Variants in ERC2 observed in about 807,000 individuals in gnomAD.
The protein encoded by ERC2 is ERC protein 2.
In ERC2, 42 loss-of-function variants were observed where a neutral mutation model predicts 114.8. That is an observed-to-expected ratio of 0.37 (90% CI 0.29 to 0.47). The LOEUF (loss-of-function observed/expected upper bound fraction) is 0.47, where lower values mean the gene tolerates loss of function less well. Ranked by LOEUF, ERC2 falls within the 20% of genes least tolerant of loss-of-function variation. ERC2 has a pLI of 0.99. For missense variants in ERC2, 939 were observed against 1,150.7 expected (o/e 0.82, Z 2.66); for synonymous variants, 454 against 425.5 (o/e 1.07, Z -0.82).
intron 17 of ERC2, among the ~76,000 whole-genome samples, chr3:55,565,470 G>A (rs967426311): frequency 8.5e-5 from 13 of 152,060 alleles, no homozygotes; most frequent in African/African-American, 2.2e-4. Flanking sequence ...GCCCTTTGCC[G>A]TGCACTTGTC....
At chr3:55,973,174 T>C (rs1367445984) in intron 12 of ERC2, among the ~76,000 whole-genome samples, 2 of 152,130 alleles carry the variant, frequency 1.3e-5, no homozygotes, top group African/African-American at 4.8e-5. Flanking sequence ...CTGGGACAGA[T>C]TGTGACTCTC....
intron 3 of ERC2, among the ~76,000 whole-genome samples, chr3:56,216,198 T>C (rs2049457958): frequency 6.6e-6 from 1 of 152,068 alleles, no homozygotes; most frequent in Non-Finnish European, 1.5e-5. Context: ...AATCAATGAA[T>C]CCAGGAGCTG....
chr3:55,860,428 G>A (rs1439497850), intron 14 of ERC2, among the ~76,000 whole-genome samples: 3 of 151,962 alleles, frequency 2.0e-5, no homozygotes, highest in African/African-American at 7.3e-5. Context: ...CCCTTTTAGT[G>A]TTTTTTTCTC....
intron 6 of ERC2, among the ~76,000 whole-genome samples, chr3:56,134,299 G>A (rs771167405): frequency 1.8e-4 from 28 of 152,292 alleles, no homozygotes; most frequent in Non-Finnish European, 3.5e-4. Flanking sequence ...CAATGATAAT[G>A]AAATCACTGG....
chr3:55,520,643 G>A (rs968555318), intron 17 of ERC2, among the ~76,000 whole-genome samples: 2 of 151,984 alleles, frequency 1.3e-5, no homozygotes, highest in African/African-American at 2.4e-5. Context: ...AAAAAGATAC[G>A]GCCTTGTGAA....
At chr3:55,814,395 A>G (rs1195998360) in intron 14 of ERC2, among the ~76,000 whole-genome samples, 2 of 152,218 alleles carry the variant, frequency 1.3e-5, no homozygotes, top group Non-Finnish European at 2.9e-5. Flanking sequence ...GAATCCACAT[A>G]TGATCTAGGA....
intron 17 of ERC2, among the ~76,000 whole-genome samples, chr3:55,609,861 A>T (rs766887910): frequency 6.6e-6 from 1 of 151,880 alleles, no homozygotes; most frequent in Non-Finnish European, 1.5e-5. Context: ...CTCTCCTTGG[A>T]GCTCAGACAG....
Position 56,278,862 on chromosome 3 carries a change from T to G in ERC2, c.1074+17157A>C, listed in dbSNP as rs536143954. The stretch of plus-strand genomic sequence containing the variant: ...CTAATAGAGTGAGAACTCACCCTTA[T>G]AGCACCAAGTCATTCATGAGGAATC... On this transcript the variant is annotated intron_variant, in intron 3 of 17. Transcript: ENST00000288221. Among the ~76,000 whole-genome samples the G allele has an allele frequency of 1.7e-3, 258 of 152,304 alleles. 1 individual carries two copies. The highest frequency in any genetic ancestry group is 6.8e-3 in the Middle Eastern group (2 of 294).
chr3:56,183,247 T>TA (rs1452148832), intron 3 of ERC2, among the ~76,000 whole-genome samples: 1 of 152,120 alleles, frequency 6.6e-6, no homozygotes, highest in African/African-American at 2.4e-5. Flanking sequence ...AGCAAGAAGT[T>TA]AAAAATAAAA....
intron 15 of ERC2, among the ~76,000 whole-genome samples, chr3:55,701,095 T>A (rs962568642): frequency 6.6e-5 from 10 of 152,190 alleles, no homozygotes; most frequent in Admixed American, 3.3e-4. Context: ...TGGCAGAGCC[T>A]CCAACCAGTT....
intron 14 of ERC2, among the ~76,000 whole-genome samples, chr3:55,790,861 G>A (rs1033670010): frequency 6.6e-6 from 1 of 152,150 alleles, no homozygotes. Flanking sequence ...TTCATTCCTG[G>A]TTTTCGACTC....
intron 14 of ERC2, among the ~76,000 whole-genome samples, chr3:55,874,031 T>C (rs564510431): frequency 6.6e-6 from 1 of 152,352 alleles, no homozygotes; most frequent in African/African-American, 2.4e-5. Flanking sequence ...AACAAATGAC[T>C]GAATCCATGA....
At chr3:56,255,965 A>G (rs2052487496) in intron 3 of ERC2, among the ~76,000 whole-genome samples, 1 of 152,240 alleles carries the variant, frequency 6.6e-6, no homozygotes, top group South Asian at 2.1e-4. Context: ...TGGTAAGCTC[A>G]TTACAGCTTG....
intron 17 of ERC2, among the ~76,000 whole-genome samples, chr3:55,680,728 C>T (rs1039452997): frequency 2.0e-5 from 3 of 152,072 alleles, no homozygotes; most frequent in African/African-American, 7.2e-5. Context: ...AAAGTGATCC[C>T]GTGGAGTCTC....
chr3:56,172,133 G>A (rs1354536229), intron 4 of ERC2, among the ~76,000 whole-genome samples: 1 of 151,520 alleles, frequency 6.6e-6, no homozygotes, highest in African/African-American at 2.4e-5. Context: ...ATTCCCCAGT[G>A]TAGAATGTTC....
At chr3:55,925,060 T>C (rs992205950) in intron 13 of ERC2, among the ~76,000 whole-genome samples, 1 of 152,146 alleles carries the variant, frequency 6.6e-6, no homozygotes, top group Non-Finnish European at 1.5e-5. Flanking sequence ...AACACAATTA[T>C]ATACAGCAGG....
chr3:56,235,133 C>T (rs531950828), intron 3 of ERC2, among the ~76,000 whole-genome samples: 3 of 152,250 alleles, frequency 2.0e-5, no homozygotes, highest in South Asian at 2.1e-4. Context: ...GTCTGTACAA[C>T]CTCTCCCCCT....
chr3:56,305,347 T>C (rs1001788659), intron 2 of ERC2, among the ~76,000 whole-genome samples: 3 of 151,922 alleles, frequency 2.0e-5, no homozygotes, highest in African/African-American at 7.3e-5. Flanking sequence ...GTACCAACAG[T>C]TAATTGAAAA....
At chr3:55,527,052 A>G (rs887406858) in intron 17 of ERC2, among the ~76,000 whole-genome samples, 8 of 152,230 alleles carry the variant, frequency 5.3e-5, no homozygotes, top group Admixed American at 3.9e-4. Flanking sequence ...AAGTATCCAC[A>G]TGGCTATTCA....
Sources: allele counts gnomAD v4.1 joint callset (sites outside exome capture counted in the v4.1 genomes callset), GRCh38; gene constraint gnomAD v4.1.1; transcripts MANE v1.5; gene names NCBI Gene and HGNC (gene_info 2026-07-23, HGNC 2026-07-21).